Variants in SLCO3A1 observed in about 807,000 individuals in gnomAD.
SLCO3A1 encodes solute carrier organic anion transporter family member 3A1.
Under a neutral mutation model 63.1 loss-of-function variants are expected in SLCO3A1, and 27 were observed. That is an observed-to-expected ratio of 0.43 (90% confidence interval 0.32 to 0.59). The LOEUF is 0.59. Ranked by LOEUF, SLCO3A1 falls within the 20% of genes least tolerant of loss-of-function variation. The probability of loss-of-function intolerance (pLI) is 0.09; values close to 1 mark genes in which losing one functional copy is unlikely to be tolerated. For missense variants in SLCO3A1, 773 were observed against 945.8 expected (o/e 0.82, Z 2.40); for synonymous variants, 473 against 409.9 (o/e 1.15, Z -1.86).
chr15:92,113,469 T>G (rs2151554232), intron 4 of SLCO3A1, among the ~76,000 whole-genome samples: 1 of 152,312 alleles, frequency 6.6e-6, no homozygotes, highest in Non-Finnish European at 1.5e-5. Context: ...GCTGATCATT[T>G]ATTTGTTCAC....
chr15:92,001,017 A>G (rs1417834413), intron 2 of SLCO3A1, among the ~76,000 whole-genome samples: 1 of 152,062 alleles, frequency 6.6e-6, no homozygotes, highest in African/African-American at 2.4e-5. Flanking sequence ...CCTCCTAAAT[A>G]TGCAATTTAC....
At chr15:92,003,500 C>T (rs1319433115) in intron 2 of SLCO3A1, among the ~76,000 whole-genome samples, 1 of 152,228 alleles carries the variant, frequency 6.6e-6, no homozygotes, top group Admixed American at 6.5e-5. Flanking sequence ...CTCCCCCTTC[C>T]CATCAGAGGA....
chr15:92,168,783 AT>A (rs1272187313), downstream of SLCO3A1, among the ~76,000 whole-genome samples: 1 of 152,222 alleles, frequency 6.6e-6, no homozygotes, highest in Non-Finnish European at 1.5e-5. Context: ...CATGGTTAAA[AT>A]TGAAGGCAAC....
intron 1 of SLCO3A1, among the ~76,000 whole-genome samples, chr15:91,910,573 G>A (rs558582873): frequency 1.3e-5 from 2 of 152,226 alleles, no homozygotes; most frequent in Non-Finnish European, 2.9e-5. Context: ...GTCCGCAGAA[G>A]CAAGTATTGT....
chr15:91,979,523 T>G (rs56168257), intron 2 of SLCO3A1, among the ~76,000 whole-genome samples: 1 of 152,164 alleles, frequency 6.6e-6, no homozygotes, highest in African/African-American at 2.4e-5. Context: ...AGCAGAACCT[T>G]TCTTCTTTCT....
intron 2 of SLCO3A1, among the ~76,000 whole-genome samples, chr15:92,058,764 G>A (rs1487336180): frequency 6.6e-6 from 1 of 152,144 alleles, no homozygotes. Flanking sequence ...AGGTGTCTTA[G>A]GGTTAACTTC....
chr15:91,860,420 G>A lies in SLCO3A1; in HGVS notation c.180+6332G>A, dbSNP rs777566761. On this transcript the variant is annotated intron_variant, in intron 1 of 9. Coordinates refer to ENST00000318445, the MANE Select transcript of SLCO3A1 (RefSeq NM_013272.4). This position sits in a 1 kb window ranked among gnomAD's most constrained non-coding sequence, Gnocchi z 5.5. The stretch of plus-strand genomic sequence containing the variant: ...GATGGTTGTGAGGTTTAAACAAATA[G>A]TCATGTGATAGAGTACTTCTCATAG... Among the ~76,000 whole-genome samples the A allele has an allele frequency of 2.6e-5, 4 of 152,220 alleles. No individual in the cohort carries two copies. The highest frequency in any genetic ancestry group is 9.7e-5 in the African/African-American group (4 of 41,446).
chr15:92,026,852 G>A (rs146656580), intron 2 of SLCO3A1, among the ~76,000 whole-genome samples: 5,662 of 152,280 alleles, frequency 0.037, 176 homozygotes, highest in Non-Finnish European at 0.051. Flanking sequence ...ATTTTCGGAG[G>A]CCAAGGCAGG....
rs1896996683 is a variant in SLCO3A1, at chr15:91,859,306, TTTCAA to T, written c.180+5223_180+5227del. On this transcript the variant is annotated intron_variant, in intron 1 of 9. Coordinates refer to ENST00000318445, the MANE Select transcript of SLCO3A1 (RefSeq NM_013272.4). This position sits in a 1 kb window ranked among gnomAD's most constrained non-coding sequence, Gnocchi z 5.1. ...GGCCAGAAAGATAGCATCCTTACTC[TTTCAA>T]TTCATTTTTATTTTCGGTTTCTATG... Among the ~76,000 whole-genome samples, 1 of 152,212 alleles carries T rather than the reference TTTCAA, an allele frequency of 6.6e-6. No individual in the cohort carries two copies. The highest frequency in any genetic ancestry group is 1.5e-5 in the Non-Finnish European group (1 of 68,042).
intron 2 of SLCO3A1, among the ~76,000 whole-genome samples, chr15:92,052,201 T>C (rs982837027): frequency 2.6e-5 from 4 of 152,142 alleles, no homozygotes; most frequent in South Asian, 4.1e-4. Context: ...ACAGACAGCC[T>C]GTACTCAGCT....
At chr15:91,945,544 C>G (rs865866663) in intron 2 of SLCO3A1, among the ~76,000 whole-genome samples, 5 of 152,168 alleles carry the variant, frequency 3.3e-5, no homozygotes, top group African/African-American at 1.2e-4. Context: ...GCAGCAAGGA[C>G]AGCATATGCA....
At chr15:92,135,938 G>A (rs1211707811) in intron 7 of SLCO3A1, among the ~76,000 whole-genome samples, 1 of 152,142 alleles carries the variant, frequency 6.6e-6, no homozygotes, top group Admixed American at 6.5e-5. Flanking sequence ...GAGCTGAGGA[G>A]GGGAGGAGCA....
At chr15:92,097,472 G>T (rs1034610577) in intron 3 of SLCO3A1, among the ~76,000 whole-genome samples, 3 of 152,186 alleles carry the variant, frequency 2.0e-5, no homozygotes, top group Admixed American at 6.5e-5. Context: ...AGCCTGGAAT[G>T]CTGTTCCCAT....
chr15:92,101,676 T>C (rs367667871), intron 3 of SLCO3A1, among the ~76,000 whole-genome samples: 3 of 152,210 alleles, frequency 2.0e-5, no homozygotes, highest in Middle Eastern at 3.4e-3. Flanking sequence ...ATGTTATTTC[T>C]CTCTGCCACA....
intron 2 of SLCO3A1, among the ~76,000 whole-genome samples, chr15:91,992,830 A>G (rs773340530): frequency 6.6e-6 from 1 of 152,174 alleles, no homozygotes; most frequent in Non-Finnish European, 1.5e-5. Flanking sequence ...CACAATTATA[A>G]TCCTGGGTTG....
At chr15:92,051,851 G>A (rs1200266872) in intron 2 of SLCO3A1, among the ~76,000 whole-genome samples, 7 of 152,154 alleles carry the variant, frequency 4.6e-5, no homozygotes, top group East Asian at 1.9e-4. Context: ...AAAGTGCTGC[G>A]TGATGAGGGT....
Position 91,853,865 on chromosome 15 carries a change from G to C in SLCO3A1, c.-44G>C. On this transcript the variant is annotated 5_prime_UTR_variant, in exon 1 of 10. Coordinates refer to ENST00000318445, the MANE Select transcript of SLCO3A1 (RefSeq NM_013272.4). ...AGCGGCCCCGACACCCGGGGCGAGC[G>C]GGAAAGCGGCAGCGGCGGCGGCGGC... The C allele has an allele frequency of 3.1e-6, 4 of 1,279,846 alleles. No homozygotes were observed. The highest frequency in any genetic ancestry group is 3.9e-6 in the Non-Finnish European group (4 of 1,013,802). The allele number at this position is 1,279,846 out of a possible 1,614,324, so 79.3% of individuals were successfully genotyped here.
At chr15:92,000,368 G>A (rs1172906142) in intron 2 of SLCO3A1, among the ~76,000 whole-genome samples, 2 of 151,336 alleles carry the variant, frequency 1.3e-5, no homozygotes, top group East Asian at 2.0e-4. Context: ...GCGAAAAGGA[G>A]GCTTTAACTC....
At chr15:92,120,334 G>GTCGCC in intron 4 of SLCO3A1, 131 bp from the exon 5 acceptor site, 7 of 860,038 alleles carry the variant, frequency 8.1e-6, no homozygotes, top group South Asian at 2.1e-5. Context: ...TTAGCAACTG[G>GTCGCC]GTACCTCTGG....
Sources: allele counts gnomAD v4.1 joint callset (sites outside exome capture counted in the v4.1 genomes callset), GRCh38; gene constraint gnomAD v4.1.1; non-coding constraint Gnocchi (gnomAD v3.1); transcripts MANE v1.5; gene names NCBI Gene and HGNC (gene_info 2026-07-23, HGNC 2026-07-21).